ATAD2B: variants seen among roughly 807,000 people sequenced by gnomAD.
ATAD2B encodes ATPase family AAA domain containing 2B.
Under a neutral mutation model 167.6 loss-of-function variants are expected in ATAD2B, and 40 were observed. That is an observed-to-expected ratio of 0.24 (90% CI 0.19 to 0.31). The LOEUF (loss-of-function observed/expected upper bound fraction) is 0.31. Ranked by LOEUF, ATAD2B falls within the 10% of genes least tolerant of loss-of-function variation. The probability of loss-of-function intolerance (pLI) is 1.00; values close to 1 mark genes in which losing one functional copy is unlikely to be tolerated. For synonymous variants in ATAD2B, 579 were observed against 596.5 expected (o/e 0.97, Z 0.43); for missense variants, 1,242 against 1,757.2 (o/e 0.71, Z 5.24).
the ATAD2B span, chr2:23,695,775 C>G: frequency 6.4e-7 from 1 of 1,551,276 alleles, no homozygotes; most frequent in Admixed American, 2.0e-5. This position sits in a 1 kb window ranked among gnomAD's most constrained non-coding sequence, Gnocchi z 7.6. Context: ...TGCCCCACGC[C>G]CGCCAGGAGA....
intron 10 of ATAD2B, among the ~76,000 whole-genome samples, chr2:23,867,106 T>A (rs1295354311): frequency 6.6e-6 from 1 of 152,206 alleles, no homozygotes; most frequent in African/African-American, 2.4e-5. Flanking sequence ...ACCCATTACC[T>A]ACAAGGTGCT....
intron 17 of ATAD2B, among the ~76,000 whole-genome samples, chr2:23,813,149 T>C (rs1685874050): frequency 6.6e-6 from 1 of 151,670 alleles, no homozygotes; most frequent in African/African-American, 2.4e-5. Flanking sequence ...ATTAATAGAA[T>C]GTAGAATATA....
chr2:23,711,364 T>A, the ATAD2B span, among the ~76,000 whole-genome samples: 1 of 112,896 alleles, frequency 8.9e-6, no homozygotes, highest in Non-Finnish European at 1.8e-5. Flanking sequence ...TTTTTTTTTT[T>A]TTTTTTTTTT....
chr2:23,726,978 A>T, the ATAD2B span, among the ~76,000 whole-genome samples: 2 of 152,232 alleles, frequency 1.3e-5, no homozygotes, highest in Non-Finnish European at 1.5e-5. Context: ...AAAAACTTTT[A>T]AAAATACATT....
At chr2:23,758,361 C>T (rs1314529991) in intron 24 of ATAD2B, among the ~76,000 whole-genome samples, 1 of 152,154 alleles carries the variant, frequency 6.6e-6, no homozygotes, top group Non-Finnish European at 1.5e-5. Flanking sequence ...ATCTTTTCTA[C>T]TATCCTAGAT....
At chr2:23,679,260 C>T in the ATAD2B span, among the ~76,000 whole-genome samples, 2 of 142,344 alleles carry the variant, frequency 1.4e-5, no homozygotes, top group African/African-American at 5.1e-5. Flanking sequence ...CCTGGTTTAG[C>T]AGTTTGGACT....
chr2:23,703,307 C>T, the ATAD2B span: 1 of 1,548,060 alleles, frequency 6.5e-7, no homozygotes. Flanking sequence ...CGAGGCAGGC[C>T]GAGCTGCCGG....
In ATAD2B at chr2:23,909,469, C is replaced by CAT. The variant is rs200951836; in HGVS notation, c.217-13501_217-13500dup. ...ATATATATACACACACACACACATA[C>CAT]ATATATATATACATACATACATACA... On this transcript the variant is annotated intron_variant, in intron 1 of 27. Transcript: ENST00000238789. Among the ~76,000 whole-genome samples, 479 of 151,200 alleles carry CAT rather than the reference C, an allele frequency of 3.2e-3. 7 individuals carry two copies. The highest frequency in any genetic ancestry group is 0.02 in the Admixed American group (307 of 15,154).
the ATAD2B span, among the ~76,000 whole-genome samples, chr2:23,698,851 A>ACAAG: frequency 1.3e-5 from 2 of 152,178 alleles, no homozygotes; most frequent in African/African-American, 4.8e-5. Context: ...ACCTGGAATA[A>ACAAG]CAAGCTCTCA....
intron 7 of ATAD2B, 39 bp downstream of exon 7, chr2:23,880,591 TAAGTTACTC>T (rs755669718): frequency 4.0e-6 from 4 of 1,009,086 alleles, no homozygotes; most frequent in Non-Finnish European, 5.9e-6. Context: ...TGGGGCAGAA[TAAGTTACTC>T]AACTACCAGA....
At chr2:23,863,591 A>C in intron 11 of ATAD2B, 36 bp from the exon 12 acceptor site, 1 of 1,513,322 alleles carries the variant, frequency 6.6e-7, no homozygotes, top group Non-Finnish European at 8.9e-7. Flanking sequence ...TGTAAATTAT[A>C]TTATCATCAC....
chr2:23,879,958 T>C (rs1274790881), intron 7 of ATAD2B, among the ~76,000 whole-genome samples: 1 of 151,380 alleles, frequency 6.6e-6, no homozygotes, highest in Non-Finnish European at 1.5e-5. Flanking sequence ...CTCAGGAGGC[T>C]GAGGCAGGAG....
chr2:23,718,962 T>C, the ATAD2B span, among the ~76,000 whole-genome samples: 1 of 152,208 alleles, frequency 6.6e-6, no homozygotes, highest in Non-Finnish European at 1.5e-5. Context: ...TAATCCACAA[T>C]AATCTCCCAT....
chr2:23,705,501 AAAG>A, the ATAD2B span, among the ~76,000 whole-genome samples: 1 of 152,186 alleles, frequency 6.6e-6, no homozygotes, highest in East Asian at 1.9e-4. Context: ...AAAAAAAAAA[AAAG>A]AATGGGAAAG....
rs1280254948 is a variant in ATAD2B at position 23,864,792 on chromosome 2, T to C, written c.1304+17A>G. 2.4e-6 allele frequency: 3 copies of C among 1,226,000 alleles called. No individual in the cohort carries two copies. The African/African-American group carries it at 4.5e-5, about 19-fold the overall frequency. The allele number at this position is 1,226,000 out of a possible 1,614,324, so 75.9% of individuals were successfully genotyped here. A position where few individuals can be genotyped will look rare whatever the true frequency, so the allele number is the denominator to read the frequency against. Reference sequence around the variant, plus strand: ...GTAACAGTAATAACAATAATAAACATCTATGACATTGCTTACCTTGGAGGC... The same window carrying C: ...GTAACAGTAATAACAATAATAAACACCTATGACATTGCTTACCTTGGAGGC... On this transcript the variant is annotated intron_variant, in intron 11 of 27. Coordinates refer to ENST00000238789, the MANE Select transcript of ATAD2B (RefSeq NM_017552.4).
intron 19 of ATAD2B, among the ~76,000 whole-genome samples, chr2:23,796,400 T>C: frequency 6.6e-6 from 1 of 152,182 alleles, no homozygotes; most frequent in Non-Finnish European, 1.5e-5. Context: ...ACATTGGAAA[T>C]GTACATGATA....
At position 23,881,758 on chromosome 2, in the gene ATAD2B, T is replaced by C. The variant is rs1427234101; in HGVS notation, c.785-1003A>G. On this transcript the variant is annotated intron_variant, in intron 6 of 27. Coordinates refer to ENST00000238789, the MANE Select transcript of ATAD2B (RefSeq NM_017552.4). ...TTTTTTTTGAGATGGAGTTTTGCTC[T>C]TGTTGCCCAGACTGGAGTGCAATGG... is the stretch of plus-strand genomic sequence containing the variant. Among the ~76,000 whole-genome samples, 4 of 152,028 alleles carry C rather than the reference T, an allele frequency of 2.6e-5. No individual in the cohort carries two copies. The East Asian group carries it at 7.8e-4, about 30-fold the overall frequency.
At chr2:23,763,174 G>C (rs1676965968) in intron 23 of ATAD2B, among the ~76,000 whole-genome samples, 1 of 152,140 alleles carries the variant, frequency 6.6e-6, no homozygotes, top group Non-Finnish European at 1.5e-5. Flanking sequence ...GGGAGTATTA[G>C]TATCTACTAA....
intron 1 of ATAD2B, among the ~76,000 whole-genome samples, chr2:23,897,544 C>A (rs188894518): frequency 4.8e-4 from 73 of 152,254 alleles, no homozygotes; most frequent in South Asian, 1.2e-3. Flanking sequence ...GAGAGCTTAA[C>A]CTGTCCCCCC....
Sources: gnomAD v4.1 joint callset for allele counts (sites outside exome capture counted in the v4.1 genomes callset) on GRCh38, gnomAD v4.1.1 for gene constraint, Gnocchi (gnomAD v3.1) non-coding constraint, MANE v1.5 for transcripts, NCBI Gene and HGNC (gene_info 2026-07-23, HGNC 2026-07-21) for gene names.